RAB40A: variants seen among roughly 807,000 people sequenced by gnomAD.
The protein encoded by RAB40A is RAB40A, member RAS oncogene family, also known as ras-related protein Rab-40A.
For missense variants in RAB40A, 145 were observed against 230.2 expected, an observed-to-expected ratio of 0.63 and a Z score of 2.40; for synonymous variants, 65 against 99.9, an observed-to-expected ratio of 0.65 and a Z score of 2.08.
Position 103,500,635 on chromosome X carries a change from G to T in RAB40A, c.122C>A (p.Ser41Tyr), listed in dbSNP as rs778284959. 4 of 1,210,973 alleles carry T rather than the reference G, an allele frequency of 3.3e-6. No individual in the cohort carries two copies. The highest frequency in any genetic ancestry group is 4.5e-6 in the Non-Finnish European group (4 of 895,274). ...GATCCCCCCGAGATGGCTGTACGGG[G>T]ACTCAGCTGCACCATCCTGCAGGCT... is the stretch of plus-strand genomic sequence containing the variant. ...LESLQDGAAESPYSHLGGIDY... is the reference protein window; with the variant it reads ...LESLQDGAAEYPYSHLGGIDY... Residue 41 changes from serine (S) to tyrosine (Y), a missense_variant, in exon 3 of 3, where the codon TCC becomes TAC. Coordinates refer to ENST00000304236, the MANE Select transcript of RAB40A (RefSeq NM_080879.3).
Position 103,499,740 on chromosome X carries a change from TTCAAAG to T in RAB40A, c.*177_*182del. On this transcript the variant is annotated 3_prime_UTR_variant, in exon 3 of 3. Coordinates refer to ENST00000304236, the MANE Select transcript of RAB40A (RefSeq NM_080879.3). ...AGCTTCATGCACATCCAAATAGAAATTCAAAGTCAAACTGTGTAATGTGTTTTTATT... is the reference window on the plus strand; with the variant it reads ...AGCTTCATGCACATCCAAATAGAAATTCAAACTGTGTAATGTGTTTTTATT... 1.9e-6 allele frequency: 1 copy of T among 521,681 alleles called. No individual in the cohort carries two copies. Among genetic ancestry groups the T allele is most frequent in the African/African-American group, 2.3e-5 (1 of 42,714 alleles). 43.0% of individuals were successfully genotyped at this position (521,681 alleles called of 1,213,427 possible). A position where few individuals can be genotyped will look rare whatever the true frequency, so the allele number is the denominator to read the frequency against.
At chrX:103,508,331 G>A (rs2073267975) in intron 2 of RAB40A, among the ~76,000 whole-genome samples, 1 of 111,818 alleles carries the variant, frequency 8.9e-6, no homozygotes, top group African/African-American at 3.3e-5. Context: ...GAGGGTGAAG[G>A]ATGGGACCTC....
At chrX:103,502,505 G>C (rs2073233743) in intron 2 of RAB40A, 1 of 129,888 alleles carries the variant, frequency 7.7e-6, no homozygotes. Context: ...TTCTGCCTGA[G>C]CCCACTCACC....
downstream of RAB40A, among the ~76,000 whole-genome samples, chrX:103,495,835 G>A (rs980250746): frequency 2.7e-5 from 3 of 111,894 alleles, no homozygotes; most frequent in African/African-American, 9.8e-5. Flanking sequence ...ACCTAGGGGT[G>A]GAATTGCTGT....
In RAB40A at chrX:103,499,960, G is replaced by T. The variant is rs758294266; in HGVS notation, c.797C>A (p.Pro266His). 18 of 1,209,351 alleles carry T rather than the reference G, an allele frequency of 1.5e-5. No homozygotes were observed. The South Asian group carries it at 3.0e-4, about 20-fold the overall frequency. ...VEIVCPPQSP[P>H]KNCTRNSCKI... The stretch of plus-strand genomic sequence containing the variant: ...GCAGCTGTTTCTGGTGCAGTTTTTG[G>T]GTGGGCTCTGGGGTGGGCAGACGAT... The change falls in exon 3 of 3, where the codon CCC (proline) becomes CAC (histidine). Residue 266 changes from proline (P) to histidine (H), a missense_variant. Transcript: ENST00000304236.
chrX:103,509,682 T>C (rs1487051919), intron 2 of RAB40A, among the ~76,000 whole-genome samples: 1 of 103,293 alleles, frequency 9.7e-6, no homozygotes, highest in Non-Finnish European at 2.0e-5. Context: ...CACTGCACTA[T>C]GGTTTCTGTC....
downstream of RAB40A, among the ~76,000 whole-genome samples, chrX:103,496,606 T>G (rs1416070221): frequency 8.9e-6 from 1 of 112,489 alleles, no homozygotes; most frequent in African/African-American, 3.2e-5. Flanking sequence ...CAGAAAGAAA[T>G]AAAACAATAA....
At chrX:103,507,485 A>G (rs2073262224) in intron 2 of RAB40A, among the ~76,000 whole-genome samples, 1 of 98,652 alleles carries the variant, frequency 1.0e-5, no homozygotes, top group Non-Finnish European at 1.9e-5. Flanking sequence ...ATTTAAAAGG[A>G]AAAAACATTA....
chrX:103,508,306 T>C (rs2073267617), intron 2 of RAB40A, among the ~76,000 whole-genome samples: 1 of 111,563 alleles, frequency 9.0e-6, no homozygotes, highest in East Asian at 2.8e-4. Flanking sequence ...GGGGAGGTGC[T>C]CAGGGTCTCC....
chrX:103,503,179 A>G (rs1380119947), intron 2 of RAB40A: 1 of 752,021 alleles, frequency 1.3e-6, no homozygotes, highest in East Asian at 1.5e-4. Context: ...ATTGATTGAT[A>G]GATGTAAAAC....
chrX:103,504,934 C>T (rs991965357), intron 2 of RAB40A, among the ~76,000 whole-genome samples: 3 of 112,007 alleles, frequency 2.7e-5, no homozygotes, highest in African/African-American at 9.7e-5. Flanking sequence ...TTTACAAGAA[C>T]TTTTAATAAT....
intron 2 of RAB40A, among the ~76,000 whole-genome samples, chrX:103,509,879 C>T (rs1475475259): frequency 1.9e-5 from 2 of 107,948 alleles, no homozygotes; most frequent in African/African-American, 3.4e-5. Context: ...AATCTCGGCT[C>T]ACTGCAACTT....
intron 2 of RAB40A, among the ~76,000 whole-genome samples, chrX:103,509,875 G>A (rs1475547632): frequency 1.9e-5 from 2 of 107,400 alleles, no homozygotes; most frequent in African/African-American, 3.4e-5. Flanking sequence ...GGGCAATCTC[G>A]GCTCACTGCA....
chrX:103,503,567 TC>T, intron 2 of RAB40A: 1 of 650,695 alleles, frequency 1.5e-6, no homozygotes, highest in Non-Finnish European at 1.8e-6. Flanking sequence ...CAAAATGTCC[TC>T]CTTTAAAAAA....
intron 2 of RAB40A, among the ~76,000 whole-genome samples, chrX:103,507,364 T>A (rs1296934587): frequency 1.8e-5 from 2 of 111,348 alleles, no homozygotes; most frequent in African/African-American, 6.7e-5. Context: ...GTATCTGAGA[T>A]GTAGTTTACA....
At chrX:103,508,499 A>G (rs2073268867) in intron 2 of RAB40A, among the ~76,000 whole-genome samples, 1 of 112,022 alleles carries the variant, frequency 8.9e-6, no homozygotes. Context: ...TGGGACTTCA[A>G]TGGTCCTTTA....
At chrX:103,498,739 G>T (rs753732430), downstream of RAB40A, among the ~76,000 whole-genome samples, 64 of 112,374 alleles carry the variant, frequency 5.7e-4, no homozygotes, top group Non-Finnish European at 1.0e-3. Flanking sequence ...GCGGGACTTT[G>T]TTACAATCAC....
chrX:103,517,599 T>G (rs1368204782), intron 1 of RAB40A, 74 bp from the exon 2 acceptor site: 1 of 112,478 alleles, frequency 8.9e-6, no homozygotes, highest in Non-Finnish European at 1.9e-5. Context: ...ATTCATTTAT[T>G]GCTACTATAT....
At position 103,517,516 on chromosome X, in the gene RAB40A, C is replaced by G; in HGVS notation, c.-213G>C. Reference sequence around the variant, plus strand: ...CATGGCTCAATAAGAACTCCTTCACCCACGTCACACTAGAAAGAAAATAAG... The same window carrying G: ...CATGGCTCAATAAGAACTCCTTCACGCACGTCACACTAGAAAGAAAATAAG... On this transcript the variant is annotated 5_prime_UTR_variant, in exon 2 of 3. Coordinates refer to ENST00000304236, the MANE Select transcript of RAB40A (RefSeq NM_080879.3). 9.0e-6 allele frequency: 1 copy of G among 111,442 alleles called. No individual in the cohort carries two copies. The allele number at this position is 111,442 out of a possible 1,213,427, so 9.2% of individuals were successfully genotyped here. A position where few individuals can be genotyped will look rare whatever the true frequency, so the allele number is the denominator to read the frequency against.
Sources: gnomAD v4.1 joint callset for allele counts (sites outside exome capture counted in the v4.1 genomes callset) on GRCh38, gnomAD v4.1.1 for gene constraint, MANE v1.5 for transcripts, NCBI Gene and HGNC (gene_info 2026-07-23, HGNC 2026-07-21) for gene names.